The following WWC2 variants were observed in gnomAD, a reference collection of about 807,000 sequenced individuals.
The protein encoded by WWC2 is WW and C2 domain containing 2.
In WWC2, 101 loss-of-function variants were observed where a neutral mutation model predicts 138.5. That is an observed-to-expected ratio of 0.73 (90% CI 0.62 to 0.86). The LOEUF is 0.86. Among genes scored for constraint, WWC2 ranks in the 40% least tolerant of loss-of-function variants. WWC2 has a pLI of 0.00. For missense variants in WWC2, 1,420 were observed against 1,419.4 expected (o/e 1.00, Z -0.01); for synonymous variants, 558 against 538.4 (o/e 1.04, Z -0.50).
rs1398451182 is a variant in WWC2 at position 183,283,865 on chromosome 4, T to C, written c.2884-361T>C. The stretch of plus-strand genomic sequence containing the variant: ...AGTTGAATAAAGTTTAATGATGATA[T>C]GTACCCAAATAGGATTCTTTATAGA... On this transcript the variant is annotated intron_variant, in intron 18 of 22. Transcript: ENST00000403733. 2.6e-5 allele frequency among the ~76,000 whole-genome samples: 4 copies of C among 152,240 alleles called. No individual in the cohort carries two copies. The East Asian group carries it at 7.7e-4, about 29-fold the overall frequency.
intron 1 of WWC2, among the ~76,000 whole-genome samples, chr4:183,181,108 C>T (rs1434255060): frequency 6.6e-6 from 1 of 152,128 alleles, no homozygotes; most frequent in Non-Finnish European, 1.5e-5. Flanking sequence ...ATATAATTAA[C>T]TATAGTATAT....
At position 183,271,193 on chromosome 4, in the gene WWC2, G is replaced by C; in HGVS notation, c.2514G>C (p.Glu838Asp). 6.2e-7 allele frequency: 1 copy of C among 1,612,894 alleles called. No homozygotes were observed. The highest frequency in any genetic ancestry group is 8.5e-7 in the Non-Finnish European group (1 of 1,179,444). The change falls in exon 16 of 23, where the codon GAG becomes GAC. Residue 838 changes from glutamate to aspartate, a missense_variant. Physicochemically the swap from Glu to Asp is conservative, Grantham distance 45. Transcript: ENST00000403733. Reference protein sequence around the residue: ...QMPCKKNEENEDSVFQPNQPL... With the variant: ...QMPCKKNEENDDSVFQPNQPL... The stretch of plus-strand genomic sequence containing the variant: ...CTTGCAAAAAGAATGAAGAAAATGA[G>C]GACTCTGTATTTCAACCAAACCAGC...
chr4:183,212,301 T>C (rs1271430919), intron 4 of WWC2, among the ~76,000 whole-genome samples: 1 of 152,202 alleles, frequency 6.6e-6, no homozygotes, highest in Non-Finnish European at 1.5e-5. Flanking sequence ...TATGAAGTCA[T>C]CATTCTATGT....
At chr4:183,230,173 G>GCTGGAC (rs1263608600) in intron 4 of WWC2, among the ~76,000 whole-genome samples, 1 of 151,858 alleles carries the variant, frequency 6.6e-6, no homozygotes, top group African/African-American at 2.4e-5. Flanking sequence ...CGGTACCTAG[G>GCTGGAC]CTGGACCTGA....
chr4:183,312,193 T>C (rs1739273209), intron 21 of WWC2, 148 bp from the exon 22 acceptor site: 1 of 988,048 alleles, frequency 1.0e-6, no homozygotes, highest in Non-Finnish European at 1.5e-6. Context: ...TGTTGGCTCC[T>C]GATGGGTGAT....
At chr4:183,176,073 T>A (rs1036694207) in intron 1 of WWC2, among the ~76,000 whole-genome samples, 2 of 152,210 alleles carry the variant, frequency 1.3e-5, no homozygotes, top group African/African-American at 4.8e-5. Context: ...ATCTCTGAAG[T>A]TAGTATAGTT....
chr4:183,179,466 G>A (rs903463271), intron 1 of WWC2, among the ~76,000 whole-genome samples: 10 of 152,084 alleles, frequency 6.6e-5, no homozygotes, highest in African/African-American at 1.2e-4. Context: ...GAAGTTAATC[G>A]GGGCAAGAGA....
intron 1 of WWC2, among the ~76,000 whole-genome samples, chr4:183,112,835 G>A (rs1419376474): frequency 1.3e-5 from 2 of 152,194 alleles, no homozygotes; most frequent in African/African-American, 4.8e-5. Flanking sequence ...AGGATAAGAA[G>A]GAGCCATTCA....
At chr4:183,155,289 G>A (rs367575471) in intron 1 of WWC2, among the ~76,000 whole-genome samples, 2 of 151,594 alleles carry the variant, frequency 1.3e-5, no homozygotes, top group African/African-American at 4.9e-5. Flanking sequence ...TTTGAGGATC[G>A]GCAGGCAAAG....
Position 183,264,934 on chromosome 4 carries a change from C to T in WWC2, c.1910-44C>T, listed in dbSNP as rs776419851. ...GTATGTATTTAATACTTAACTTTTC[C>T]AAATAAGACATTCTGATTAGTGCTC... is the stretch of plus-strand genomic sequence containing the variant. On this transcript the variant is annotated intron_variant, in intron 11 of 22. Coordinates refer to ENST00000403733, the MANE Select transcript of WWC2 (RefSeq NM_024949.6). 7 of 1,562,478 alleles carry T rather than the reference C, an allele frequency of 4.5e-6. No homozygotes were observed. In the Admixed American group the frequency reaches 1.1e-4, roughly 25 times the overall value.
At chr4:183,303,111 A>C (rs1033190290) in intron 21 of WWC2, among the ~76,000 whole-genome samples, 2 of 152,034 alleles carry the variant, frequency 1.3e-5, no homozygotes, top group African/African-American at 4.8e-5. Context: ...TGGAGATAAC[A>C]ACTGTTTTTG....
intron 1 of WWC2, among the ~76,000 whole-genome samples, chr4:183,190,602 T>C (rs1269066237): frequency 6.6e-6 from 1 of 152,076 alleles, no homozygotes; most frequent in African/African-American, 2.4e-5. Context: ...TATTTATCCA[T>C]ATATAGAAAA....
chr4:183,251,197 G>T (rs1443541975), intron 8 of WWC2, among the ~76,000 whole-genome samples: 3 of 152,220 alleles, frequency 2.0e-5, no homozygotes, highest in Non-Finnish European at 4.4e-5. Flanking sequence ...TCAGTGCCCA[G>T]ATTAGTGCCT....
At chr4:183,276,608 A>C (rs1273884324) in intron 16 of WWC2, among the ~76,000 whole-genome samples, 3 of 152,068 alleles carry the variant, frequency 2.0e-5, no homozygotes, top group African/African-American at 7.2e-5. Flanking sequence ...TTATTGTCAT[A>C]TATTTTGAAT....
intron 16 of WWC2, among the ~76,000 whole-genome samples, chr4:183,275,597 A>G (rs1325194918): frequency 6.6e-6 from 1 of 152,138 alleles, no homozygotes; most frequent in Non-Finnish European, 1.5e-5. Context: ...CAATTGATAT[A>G]ATTTATTAAT....
At chr4:183,194,854 C>G (rs1221815037) in intron 2 of WWC2, among the ~76,000 whole-genome samples, 1 of 152,216 alleles carries the variant, frequency 6.6e-6, no homozygotes, top group Non-Finnish European at 1.5e-5. Context: ...TTCATGTATA[C>G]TGTACATTAT....
At chr4:183,279,063 CA>C (rs1302634967) in intron 16 of WWC2, among the ~76,000 whole-genome samples, 4 of 152,012 alleles carry the variant, frequency 2.6e-5, no homozygotes, top group Admixed American at 6.6e-5. Flanking sequence ...TGCCAGTTTT[CA>C]AAGGGAATGC....
In WWC2 at chr4:183,140,613, A is replaced by G. The variant is rs183924362; in HGVS notation, c.131+40991A>G. On this transcript the variant is annotated intron_variant, in intron 1 of 22. Transcript: ENST00000403733. ...AACTTTTCAGTACTTTAAAGAATAT[A>G]TTGGGTTTAGCAAGTATTTTTTTTA... 1.6e-4 allele frequency among the ~76,000 whole-genome samples: 24 copies of G among 152,282 alleles called. No individual in the cohort carries two copies. The East Asian group carries it at 4.4e-3, about 28-fold the overall frequency.
At position 183,318,519 on chromosome 4, in the gene WWC2, T is replaced by C. The variant is rs1739519265; in HGVS notation, c.*2790T>C. 1.3e-5 allele frequency: 2 copies of C among 152,184 alleles called. No homozygotes were observed. Among genetic ancestry groups the C allele is most frequent in the Non-Finnish European group, 2.9e-5 (2 of 67,976 alleles). The allele number at this position is 152,184 out of a possible 1,614,324, so 9.4% of individuals were successfully genotyped here. A position where few individuals can be genotyped will look rare whatever the true frequency, so the allele number is the denominator to read the frequency against. On this transcript the variant is annotated 3_prime_UTR_variant, in exon 23 of 23. Coordinates refer to ENST00000403733, the MANE Select transcript of WWC2 (RefSeq NM_024949.6). ...TTAAAAAAAAAAGCAAAAACAAAGC[T>C]ACATATTGCCTAATACTCTATTTCA...
Sources: gnomAD v4.1 joint callset for allele counts (sites outside exome capture counted in the v4.1 genomes callset) on GRCh38, gnomAD v4.1.1 for gene constraint, MANE v1.5 for transcripts, NCBI Gene and HGNC (gene_info 2026-07-23, HGNC 2026-07-21) for gene names.